Variants in SGSM1 observed in about 807,000 individuals in gnomAD.
SGSM1 encodes small G protein signaling modulator 1.
In SGSM1, 73 loss-of-function variants were observed where a neutral mutation model predicts 133.8. The ratio of observed to expected loss-of-function variants is 0.55; its 90% CI spans 0.45 to 0.66. The LOEUF (loss-of-function observed/expected upper bound fraction) is 0.66, where lower values mean the gene tolerates loss of function less well. Ranked by LOEUF, SGSM1 falls within the 30% of genes least tolerant of loss-of-function variation. The pLI, the probability that SGSM1 is intolerant of heterozygous loss-of-function variation, is 0.00. For synonymous variants in SGSM1, 563 were observed against 573.0 expected (o/e 0.98, Z 0.25); for missense variants, 1,213 against 1,448.1 (o/e 0.84, Z 2.64).
At chr22:24,906,105 T>C (rs1933368146) in intron 21 of SGSM1, among the ~76,000 whole-genome samples, 3 of 152,212 alleles carry the variant, frequency 2.0e-5, no homozygotes, top group Admixed American at 6.5e-5. Context: ...CAAGGATGGT[T>C]TGACATGCAA....
chr22:24,856,378 C>A (rs11913635), intron 8 of SGSM1, among the ~76,000 whole-genome samples: 1 of 148,094 alleles, frequency 6.8e-6, no homozygotes, highest in South Asian at 2.1e-4. Context: ...CAGGTGAAGG[C>A]GCCAAGACAG....
At chr22:24,921,105 T>C (rs1697206102) in intron 24 of SGSM1, among the ~76,000 whole-genome samples, 2 of 145,780 alleles carry the variant, frequency 1.4e-5, no homozygotes, top group African/African-American at 2.5e-5. Flanking sequence ...TCATATAATC[T>C]TTTTTTTTTT....
At chr22:24,823,800 C>T (rs1445550523) in intron 2 of SGSM1, among the ~76,000 whole-genome samples, 1 of 151,674 alleles carries the variant, frequency 6.6e-6, no homozygotes, top group Non-Finnish European at 1.5e-5. Context: ...GTCCCAGCTA[C>T]TCGGGAGGCT....
chr22:24,855,760 G>C, intron 8 of SGSM1, 80 bp downstream of exon 8: 1 of 1,608,426 alleles, frequency 6.2e-7, no homozygotes, highest in Non-Finnish European at 8.5e-7. Context: ...TCTGGCTCCA[G>C]ATTGCCAATC....
chr22:24,813,023 G>C (rs905716358), intron 2 of SGSM1, among the ~76,000 whole-genome samples: 10 of 152,198 alleles, frequency 6.6e-5, no homozygotes, highest in Non-Finnish European at 1.5e-4. Context: ...AGATGGGAAA[G>C]GCTTGCCAGA....
Position 24,905,039 on chromosome 22 carries a change from A to G in SGSM1, c.2736-66A>G, listed in dbSNP as rs545861662. On this transcript the variant is annotated intron_variant, in intron 20 of 24. Coordinates refer to ENST00000400358, the MANE Select transcript of SGSM1 (RefSeq NM_001098497.3). ...GATTGGGGACCGAAGCAGGAGGAAC[A>G]GAAGGTGGAGTGGGTTGGAGAGGCA... 7.7e-5 allele frequency: 105 copies of G among 1,355,210 alleles called. No homozygotes were observed. In the African/African-American group the frequency reaches 1.3e-3, roughly 17 times the overall value. The allele number at this position is 1,355,210 out of a possible 1,614,324, so 83.9% of individuals were successfully genotyped here. A position where few individuals can be genotyped will look rare whatever the true frequency, so the allele number is the denominator to read the frequency against.
intron 2 of SGSM1, among the ~76,000 whole-genome samples, chr22:24,823,485 C>CA (rs1257708006): frequency 6.6e-6 from 1 of 152,080 alleles, no homozygotes; most frequent in African/African-American, 2.4e-5. Flanking sequence ...CCTGTAGTCC[C>CA]AGCTACTCAG....
Position 24,924,965 on chromosome 22 carries a change from G to A in SGSM1, c.*691G>A, listed in dbSNP as rs181730671. 1 of 152,378 alleles carries A rather than the reference G, an allele frequency of 6.6e-6. No homozygotes were observed. The highest frequency in any genetic ancestry group is 6.5e-5 in the Admixed American group (1 of 15,288). 9.4% of individuals were successfully genotyped at this position (152,378 alleles called of 1,614,324 possible). ...CTGCAGGGCAAAATTGCCCCCATTTGAGAACCACTGGCTTGGAGAAGGGAC... is the reference window on the plus strand; with the variant it reads ...CTGCAGGGCAAAATTGCCCCCATTTAAGAACCACTGGCTTGGAGAAGGGAC... On this transcript the variant is annotated 3_prime_UTR_variant, in exon 25 of 25. Coordinates refer to ENST00000400358, the MANE Select transcript of SGSM1 (RefSeq NM_001098497.3).
chr22:24,839,394 T>G (rs1416605356), intron 2 of SGSM1, among the ~76,000 whole-genome samples: 1 of 152,146 alleles, frequency 6.6e-6, no homozygotes, highest in Non-Finnish European at 1.5e-5. Context: ...GCTGTTGAAT[T>G]CTGTTTTTAG....
intron 2 of SGSM1, among the ~76,000 whole-genome samples, chr22:24,819,610 C>A (rs73879143): frequency 0.01 from 1,564 of 152,326 alleles, 28 homozygotes; most frequent in African/African-American, 0.035. Flanking sequence ...CAGCTATGTG[C>A]TGGGTCCTGT....
intron 2 of SGSM1, among the ~76,000 whole-genome samples, chr22:24,824,479 C>T (rs9608342): frequency 0.14 from 21,836 of 152,000 alleles, 1,892 homozygotes; most frequent in South Asian, 0.29. Context: ...ACTCCTGTCC[C>T]CACCCCATCA....
At chr22:24,835,309 C>T (rs367970272) in intron 2 of SGSM1, among the ~76,000 whole-genome samples, 16 of 152,100 alleles carry the variant, frequency 1.1e-4, no homozygotes, top group African/African-American at 1.9e-4. Flanking sequence ...GCTTTACCTG[C>T]GTCGCCTCAT....
intron 12 of SGSM1, among the ~76,000 whole-genome samples, chr22:24,873,495 C>T (rs1012839378): frequency 6.6e-6 from 1 of 151,884 alleles, no homozygotes; most frequent in Non-Finnish European, 1.5e-5. Flanking sequence ...GTTTTGAGAA[C>T]AGATGGTGTG....
intron 14 of SGSM1, among the ~76,000 whole-genome samples, chr22:24,880,911 G>A (rs1231575042): frequency 1.3e-5 from 2 of 152,170 alleles, no homozygotes; most frequent in Admixed American, 1.3e-4. Flanking sequence ...GAAATAATGG[G>A]CAGGCGCGGT....
intron 19 of SGSM1, among the ~76,000 whole-genome samples, chr22:24,899,480 C>T (rs1231969051): frequency 1.3e-5 from 2 of 150,932 alleles, no homozygotes; most frequent in East Asian, 3.9e-4. Flanking sequence ...AGATGAAGCA[C>T]ATACCTCAGT....
intron 9 of SGSM1, among the ~76,000 whole-genome samples, chr22:24,860,897 TA>T (rs554853690): frequency 0.015 from 656 of 43,526 alleles, 6 homozygotes; most frequent in Non-Finnish European, 0.016. Context: ...GAGACTGTCT[TA>T]AAAAAAAAAA....
chr22:24,909,762 G>A (rs928492184), intron 21 of SGSM1, among the ~76,000 whole-genome samples: 15 of 152,040 alleles, frequency 9.9e-5, no homozygotes, highest in African/African-American at 3.4e-4. Context: ...GGCTGGTTTG[G>A]CCACTTTAAA....
intron 5 of SGSM1, among the ~76,000 whole-genome samples, chr22:24,853,702 G>A (rs1930610323): frequency 6.6e-6 from 1 of 151,548 alleles, no homozygotes; most frequent in South Asian, 2.1e-4. Flanking sequence ...CGCCTCCCAG[G>A]TTCACGCCAT....
chr22:24,827,170 C>A (rs963809844), intron 2 of SGSM1, among the ~76,000 whole-genome samples: 1 of 151,994 alleles, frequency 6.6e-6, no homozygotes, highest in Non-Finnish European at 1.5e-5. Flanking sequence ...TAATGTGGAA[C>A]CTGGCAGGAC....
Sources: gnomAD v4.1 joint callset for allele counts (sites outside exome capture counted in the v4.1 genomes callset) on GRCh38, gnomAD v4.1.1 for gene constraint, MANE v1.5 for transcripts, NCBI Gene and HGNC (gene_info 2026-07-23, HGNC 2026-07-21) for gene names.